The following SH3PXD2A variants were observed in gnomAD, a reference collection of about 807,000 sequenced individuals.
SH3PXD2A encodes the protein SH3 and PX domains 2A.
A neutral mutation model predicts 115.2 loss-of-function variants in SH3PXD2A; 32 were observed. The ratio of observed to expected loss-of-function variants is 0.28; its 90% CI spans 0.21 to 0.37. SH3PXD2A has a LOEUF of 0.37. Among genes scored for constraint, SH3PXD2A ranks in the 10% least tolerant of loss-of-function variants. The pLI is 1.00. For missense variants in SH3PXD2A, 1,328 were observed against 1,498.7 expected (o/e 0.89, Z 1.88); for synonymous variants, 610 against 629.1 (o/e 0.97, Z 0.45).
chr10:103,818,131 G>C lies in SH3PXD2A; in HGVS notation c.73-16769C>G, dbSNP rs149465330. On this transcript the variant is annotated intron_variant, in intron 1 of 14. Coordinates refer to ENST00000369774, the MANE Select transcript of SH3PXD2A (RefSeq NM_001394015.1). ...TTAGAAGGGAGACAATGTACCTCTT[G>C]GTTAAGGGGTTCTTGTCAGAAAGAA... is the stretch of plus-strand genomic sequence containing the variant. Among the ~76,000 whole-genome samples the C allele has an allele frequency of 1.2e-4, 19 of 152,308 alleles. No homozygotes were observed. The East Asian group carries it at 3.3e-3, about 26-fold the overall frequency.
Position 103,666,654 on chromosome 10 carries a change from TC to T in SH3PXD2A, c.472+1953del, listed in dbSNP as rs1187853285. Among the ~76,000 whole-genome samples the T allele has an allele frequency of 2.0e-5, 3 of 152,190 alleles. No homozygotes were observed. The highest frequency in any genetic ancestry group is 7.2e-5 in the African/African-American group (3 of 41,426). On this transcript the variant is annotated intron_variant, in intron 7 of 14. Coordinates refer to ENST00000369774, the MANE Select transcript of SH3PXD2A (RefSeq NM_001394015.1). The surrounding 1 kb of genome is among the most constrained non-coding windows in gnomAD (Gnocchi z 4.5). ...GAGATCCTGGGGAGGACACGTAACC[TC>T]TCTTGAGCTTTAGTGTCATCTGGAA...
intron 2 of SH3PXD2A, among the ~76,000 whole-genome samples, chr10:103,783,793 G>A (rs1022170340): frequency 9.2e-5 from 14 of 152,228 alleles, no homozygotes; most frequent in African/African-American, 3.1e-4. Flanking sequence ...GTGGAGCCCA[G>A]ATGGAAAAAG....
At chr10:103,850,191 G>A (rs1402702621) in intron 1 of SH3PXD2A, among the ~76,000 whole-genome samples, 2 of 152,150 alleles carry the variant, frequency 1.3e-5, no homozygotes, top group African/African-American at 2.4e-5. Flanking sequence ...GGCTGGAATC[G>A]GTCTCCTCTG....
At chr10:103,753,570 C>A in intron 3 of SH3PXD2A, among the ~76,000 whole-genome samples, 1 of 151,284 alleles carries the variant, frequency 6.6e-6, no homozygotes, top group East Asian at 1.9e-4. Flanking sequence ...GGGTTTGAAG[C>A]CCAGCTCTGC....
In SH3PXD2A at chr10:103,855,437, G is replaced by A; in HGVS notation, c.-171C>T. ...ACAGGTCCGGCCCAGGGACGGGGGA[G>A]GGTCCCGGAGGGCGCGCGGGCTCCG... On this transcript the variant is annotated 5_prime_UTR_variant, in exon 1 of 15. Coordinates refer to ENST00000369774, the MANE Select transcript of SH3PXD2A (RefSeq NM_001394015.1). 1 of 278,246 alleles carries A rather than the reference G, an allele frequency of 3.6e-6. No homozygotes were observed. Among genetic ancestry groups the A allele is most frequent in the South Asian group, 1.6e-4 (1 of 6,400 alleles). 17.2% of individuals were successfully genotyped at this position (278,246 alleles called of 1,614,324 possible).
chr10:103,617,995 G>A (rs1008847464), intron 10 of SH3PXD2A, among the ~76,000 whole-genome samples: 6 of 152,224 alleles, frequency 3.9e-5, no homozygotes, highest in Non-Finnish European at 7.3e-5. Context: ...AAATGAGCTT[G>A]GAAACACCAA....
At chr10:103,813,193 A>T (rs1049030182) in intron 1 of SH3PXD2A, among the ~76,000 whole-genome samples, 2 of 152,216 alleles carry the variant, frequency 1.3e-5, no homozygotes, top group Admixed American at 1.3e-4. Flanking sequence ...GGAAGTTTGC[A>T]TATGTGTGTG....
chr10:103,839,601 ACAGCCCCACCCCCAAGGCCACG>A lies in SH3PXD2A; in HGVS notation c.72+15572_72+15593del, dbSNP rs1195310875. Among the ~76,000 whole-genome samples, 3 of 128,486 alleles carry A rather than the reference ACAGCCCCACCCCCAAGGCCACG, an allele frequency of 2.3e-5. No homozygotes were observed. The Admixed American group carries it at 2.4e-4, about 10-fold the overall frequency. The allele number at this position is 128,486 out of a possible 152,430, so 84.3% of individuals were successfully genotyped here. A position where few individuals can be genotyped will look rare whatever the true frequency, so the allele number is the denominator to read the frequency against. On this transcript the variant is annotated intron_variant, in intron 1 of 14. Transcript: ENST00000369774. ...CACACAGCCCCTCCCCCAAGCCCAC[ACAGCCCCACCCCCAAGGCCACG>A]CAGCCCCTCCCCAGAGGCCACGCAG...
Position 103,831,018 on chromosome 10 carries a change from A to G in SH3PXD2A, c.72+24177T>C, listed in dbSNP as rs570777665. ...ACATTTTTAGGTGGGAACAGTCATA[A>G]TACAAGACAGGTGCGAAGCATCCTT... On this transcript the variant is annotated intron_variant, in intron 1 of 14. Transcript: ENST00000369774. Among the ~76,000 whole-genome samples the G allele has an allele frequency of 2.0e-5, 3 of 152,390 alleles. No homozygotes were observed. In the East Asian group the frequency reaches 5.8e-4, roughly 29 times the overall value.
chr10:103,729,608 A>ATG (rs2038290544), intron 4 of SH3PXD2A, among the ~76,000 whole-genome samples: 2 of 151,878 alleles, frequency 1.3e-5, no homozygotes, highest in East Asian at 1.9e-4. Context: ...GGAACTATGC[A>ATG]GGTCCCTGGA....
At chr10:103,839,465 C>T (rs985814092) in intron 1 of SH3PXD2A, among the ~76,000 whole-genome samples, 2 of 152,178 alleles carry the variant, frequency 1.3e-5, no homozygotes, top group Admixed American at 6.5e-5. Flanking sequence ...TTCTGTTTTA[C>T]GTTAATTAAC....
intron 1 of SH3PXD2A, among the ~76,000 whole-genome samples, chr10:103,837,779 G>A (rs1441462839): frequency 3.3e-5 from 5 of 152,168 alleles, no homozygotes; most frequent in Non-Finnish European, 5.9e-5. Flanking sequence ...GTGGATGTGA[G>A]GAGCTCTGCA....
intron 8 of SH3PXD2A, among the ~76,000 whole-genome samples, chr10:103,637,991 C>T (rs552894665): frequency 1.3e-5 from 2 of 152,220 alleles, no homozygotes; most frequent in East Asian, 1.9e-4. Context: ...GCTGCCCACC[C>T]TCGGCCAGGC....
chr10:103,679,036 G>A (rs1244024761), intron 6 of SH3PXD2A, among the ~76,000 whole-genome samples: 1 of 152,198 alleles, frequency 6.6e-6, no homozygotes, highest in Non-Finnish European at 1.5e-5. Flanking sequence ...TCCTACCACT[G>A]AACAGATGTC....
chr10:103,845,546 A>G (rs1252560837), intron 1 of SH3PXD2A, among the ~76,000 whole-genome samples: 4 of 152,202 alleles, frequency 2.6e-5, no homozygotes, highest in Non-Finnish European at 5.9e-5. Context: ...GGAAGCATGA[A>G]TAATACACCC....
At chr10:103,607,042 G>C (rs1564842502) in intron 13 of SH3PXD2A, among the ~76,000 whole-genome samples, 1 of 151,596 alleles carries the variant, frequency 6.6e-6, no homozygotes, top group Non-Finnish European at 1.5e-5. Context: ...TCCCATCTAG[G>C]AAGTGAGGAG....
intron 5 of SH3PXD2A, among the ~76,000 whole-genome samples, chr10:103,699,361 C>A (rs773553906): frequency 6.6e-6 from 1 of 152,156 alleles, no homozygotes; most frequent in Non-Finnish European, 1.5e-5. Context: ...TTTTGTGGCA[C>A]CTGCATCAGA....
Position 103,779,925 on chromosome 10 carries a change from TAGG to T in SH3PXD2A, c.154-12759_154-12757del, listed in dbSNP as rs569519008. On this transcript the variant is annotated intron_variant, in intron 2 of 14. Transcript: ENST00000369774. ...CACAAACTGCAAGGACTATCCAAAA[TAGG>T]AGGAGGCCCTGAAGAAGGGGGAAGG... 5.1e-4 allele frequency among the ~76,000 whole-genome samples: 77 copies of T among 152,018 alleles called. 1 individual carries two copies. The highest frequency in any genetic ancestry group is 6.9e-4 in the Non-Finnish European group (47 of 67,988).
chr10:103,633,928 ACCCTGGGCACAT>A (rs1368913539), intron 8 of SH3PXD2A, among the ~76,000 whole-genome samples: 4 of 152,146 alleles, frequency 2.6e-5, no homozygotes, highest in Admixed American at 6.5e-5. Flanking sequence ...CTCAGAGACA[ACCCTGGGCACAT>A]CCCTGGGCCA....
Sources: allele counts gnomAD v4.1 joint callset (sites outside exome capture counted in the v4.1 genomes callset), GRCh38; gene constraint gnomAD v4.1.1; non-coding constraint Gnocchi (gnomAD v3.1); transcripts MANE v1.5; gene names NCBI Gene and HGNC (gene_info 2026-07-23, HGNC 2026-07-21).